The following MYCT1 variants were observed in gnomAD, a reference collection of about 807,000 sequenced individuals.
The protein encoded by MYCT1 is MYC target 1.
In MYCT1, 12 loss-of-function variants were observed where a neutral mutation model predicts 15.0. The ratio of observed to expected loss-of-function variants is 0.80; its 90% CI spans 0.51 to 1.29. The LOEUF is 1.29. Among genes scored for constraint, MYCT1 ranks in the 50% most tolerant of loss-of-function variants. The pLI, the probability that MYCT1 is intolerant of heterozygous loss-of-function variation, is 0.00. For missense variants in MYCT1, 287 were observed against 279.1 expected (o/e 1.03, Z -0.20); for synonymous variants, 104 against 102.7 (o/e 1.01, Z -0.07).
the MYCT1 span, among the ~76,000 whole-genome samples, chr6:152,733,495 C>T: frequency 6.6e-6 from 1 of 152,194 alleles, no homozygotes; most frequent in Non-Finnish European, 1.5e-5. Context: ...ACAGTTGCTG[C>T]TGACTGTTTT....
At chr6:152,730,367 C>G in the MYCT1 span, among the ~76,000 whole-genome samples, 1 of 152,204 alleles carries the variant, frequency 6.6e-6, no homozygotes, top group Non-Finnish European at 1.5e-5. Context: ...ATGACACCAG[C>G]CCATGCTCCC....
intron 1 of MYCT1, among the ~76,000 whole-genome samples, chr6:152,701,680 C>A (rs2099721348): frequency 6.6e-6 from 1 of 152,136 alleles, no homozygotes; most frequent in Non-Finnish European, 1.5e-5. Context: ...ATGTATTTCT[C>A]ATCAGCTTTT....
At chr6:152,707,070 G>A (rs2099722412) in intron 1 of MYCT1, among the ~76,000 whole-genome samples, 1 of 151,964 alleles carries the variant, frequency 6.6e-6, no homozygotes, top group African/African-American at 2.4e-5. Flanking sequence ...TTTAATTTTT[G>A]AGGAACCTTC....
downstream of MYCT1, among the ~76,000 whole-genome samples, chr6:152,724,800 T>C (rs950599836): frequency 2.0e-5 from 3 of 151,978 alleles, no homozygotes; most frequent in Non-Finnish European, 4.4e-5. Context: ...AAATCCTTTT[T>C]CATATAAAAA....
chr6:152,737,094 G>A, the MYCT1 span, among the ~76,000 whole-genome samples: 1 of 151,384 alleles, frequency 6.6e-6, no homozygotes, highest in Non-Finnish European at 1.5e-5. Context: ...AAAAGAAAGA[G>A]TTGAATAAGA....
chr6:152,737,015 A>G, the MYCT1 span, among the ~76,000 whole-genome samples: 1 of 152,142 alleles, frequency 6.6e-6, no homozygotes, highest in African/African-American at 2.4e-5. Flanking sequence ...TTTATCATGT[A>G]GTGTGTTAAT....
At chr6:152,731,378 AT>A in the MYCT1 span, among the ~76,000 whole-genome samples, 5 of 151,770 alleles carry the variant, frequency 3.3e-5, no homozygotes, top group South Asian at 6.3e-4. Flanking sequence ...GCATTTCTCT[AT>A]TTTTTTTATA....
Position 152,722,248 on chromosome 6 carries a change from T to C in MYCT1, c.703T>C (p.Ser235Pro), listed in dbSNP as rs781183136. ...YESIIKAFPDS is the reference protein window; with the variant it reads ...YESIIKAFPDP ...GTCCATCATCAAGGCATTCCCAGATTCCTGAGTAGGGTGGCTTTTGGTTTT... is the reference window on the plus strand; with the variant it reads ...GTCCATCATCAAGGCATTCCCAGATCCCTGAGTAGGGTGGCTTTTGGTTTT... Residue 235 changes from serine (S) to proline (P), a missense_variant, in exon 2 of 2, where the codon TCC becomes CCC. Coordinates refer to ENST00000367245, the MANE Select transcript of MYCT1 (RefSeq NM_025107.3). 5.0e-6 allele frequency: 8 copies of C among 1,602,138 alleles called. No individual in the cohort carries two copies. In the African/African-American group the frequency reaches 9.4e-5, roughly 19 times the overall value.
At chr6:152,714,419 C>T (rs1391098991) in intron 1 of MYCT1, among the ~76,000 whole-genome samples, 1 of 149,742 alleles carries the variant, frequency 6.7e-6, no homozygotes, top group Non-Finnish European at 1.5e-5. Flanking sequence ...AATATGGAAA[C>T]TGAAATAATT....
At chr6:152,738,131 T>C in the MYCT1 span, among the ~76,000 whole-genome samples, 19,747 of 151,914 alleles carry the variant, frequency 0.13, 1,749 homozygotes, top group East Asian at 0.35. Flanking sequence ...TAAACACAAA[T>C]ATAAATAATT....
chr6:152,719,604 T>C (rs12662910), intron 1 of MYCT1, among the ~76,000 whole-genome samples: 12,545 of 152,226 alleles, frequency 0.082, 880 homozygotes, highest in African/African-American at 0.18. Flanking sequence ...GTTGATATAA[T>C]TATTTGTACA....
At chr6:152,701,617 A>C (rs1202127314) in intron 1 of MYCT1, among the ~76,000 whole-genome samples, 1 of 150,820 alleles carries the variant, frequency 6.6e-6, no homozygotes, top group African/African-American at 2.5e-5. Flanking sequence ...TGTATTGGAG[A>C]GGGGGGACCT....
chr6:152,709,209 A>C (rs999409936), intron 1 of MYCT1, among the ~76,000 whole-genome samples: 5 of 25,832 alleles, frequency 1.9e-4, no homozygotes. Flanking sequence ...TTATGGCTGC[A>C]TAGTATTCCA....
At chr6:152,700,207 G>T in intron 1 of MYCT1, among the ~76,000 whole-genome samples, 1 of 151,988 alleles carries the variant, frequency 6.6e-6, no homozygotes, top group East Asian at 1.9e-4. Flanking sequence ...CTAAATTGAT[G>T]TCTATTTTGA....
chr6:152,722,328 G>A lies in MYCT1; in HGVS notation c.*75G>A. The A allele has an allele frequency of 6.9e-7, 1 of 1,448,774 alleles. No individual in the cohort carries two copies. The highest frequency in any genetic ancestry group is 2.3e-5 in the Admixed American group (1 of 43,768). 89.7% of individuals were successfully genotyped at this position (1,448,774 alleles called of 1,614,324 possible). ...AAGGAAATCAAAAATAGGCTAAACA[G>A]AATTTTGAGGGCATGGCCCAAATAA... On this transcript the variant is annotated 3_prime_UTR_variant, in exon 2 of 2. Transcript: ENST00000367245.
At chr6:152,716,977 A>G (rs1183609861) in intron 1 of MYCT1, among the ~76,000 whole-genome samples, 1 of 152,154 alleles carries the variant, frequency 6.6e-6, no homozygotes, top group African/African-American at 2.4e-5. Flanking sequence ...ATCTTTGCCA[A>G]TGTCTTTTTT....
Position 152,722,878 on chromosome 6 carries a change from A to G in MYCT1, c.*625A>G. The G allele has an allele frequency of 4.6e-6, 1 of 217,712 alleles. No homozygotes were observed. Among genetic ancestry groups the G allele is most frequent in the South Asian group, 5.5e-5 (1 of 18,046 alleles). The allele number at this position is 217,712 out of a possible 1,614,324, so 13.5% of individuals were successfully genotyped here. ...CTTAGTGCCCCAAGTAGCTGGGACT[A>G]CAGGGGTGCACTACCACACCGGGTT... is the stretch of plus-strand genomic sequence containing the variant. On this transcript the variant is annotated 3_prime_UTR_variant, in exon 2 of 2. Coordinates refer to ENST00000367245, the MANE Select transcript of MYCT1 (RefSeq NM_025107.3).
the MYCT1 span, among the ~76,000 whole-genome samples, chr6:152,730,509 G>A: frequency 6.6e-6 from 1 of 152,276 alleles, no homozygotes; most frequent in South Asian, 2.1e-4. Flanking sequence ...AATTGAAGTG[G>A]TTGCTTTGGA....
chr6:152,700,470 A>G (rs2129067778), intron 1 of MYCT1, among the ~76,000 whole-genome samples: 1 of 152,308 alleles, frequency 6.6e-6, no homozygotes, highest in Admixed American at 6.5e-5. Context: ...TGATGGCATA[A>G]TAATATCGGG....
Sources: allele counts gnomAD v4.1 joint callset (sites outside exome capture counted in the v4.1 genomes callset), GRCh38; gene constraint gnomAD v4.1.1; transcripts MANE v1.5; gene names NCBI Gene and HGNC (gene_info 2026-07-23, HGNC 2026-07-21).